NPHS2: variants seen among roughly 807,000 people sequenced by gnomAD.
NPHS2 encodes podocin.
In NPHS2, 36 loss-of-function variants were observed where a neutral mutation model predicts 37.1. That is an observed-to-expected ratio of 0.97 (90% CI 0.74 to 1.28). The LOEUF (loss-of-function observed/expected upper bound fraction) is 1.28, where lower values mean the gene tolerates loss of function less well. Among genes scored for constraint, NPHS2 ranks in the 50% most tolerant of loss-of-function variants. The probability of loss-of-function intolerance (pLI) is 0.00; values close to 1 mark genes in which losing one functional copy is unlikely to be tolerated. For missense variants in NPHS2, 447 were observed against 488.1 expected (o/e 0.92, Z 0.79); for synonymous variants, 196 against 189.3 (o/e 1.04, Z -0.29).
intron 6 of NPHS2, 41 bp downstream of exon 6, chr1:179,554,435 T>C: frequency 2.5e-6 from 4 of 1,612,018 alleles, no homozygotes; most frequent in Non-Finnish European, 2.5e-6. Flanking sequence ...CAGAATATTT[T>C]CCTTTATCAT....
rs1392082022 is a variant in NPHS2 at position 179,556,681 on chromosome 1, T to C, written c.738+346A>G. Among the ~76,000 whole-genome samples, 3 of 152,180 alleles carry C rather than the reference T, an allele frequency of 2.0e-5. No homozygotes were observed. Among genetic ancestry groups the C allele is most frequent in the South Asian group, 2.1e-4 (1 of 4,824 alleles). ...CAGTAAGCTCCTGGGAACCATGCTTTATCATCTTTGTGTACCAACCCCTCC... is the reference window on the plus strand; with the variant it reads ...CAGTAAGCTCCTGGGAACCATGCTTCATCATCTTTGTGTACCAACCCCTCC... On this transcript the variant is annotated intron_variant, in intron 5 of 7. Coordinates refer to ENST00000367615, the MANE Select transcript of NPHS2 (RefSeq NM_014625.4). The surrounding 1 kb of genome is among the most constrained non-coding windows in gnomAD (Gnocchi z 4.1).
chr1:179,553,915 T>A (rs1360597883), intron 6 of NPHS2, among the ~76,000 whole-genome samples: 1 of 149,188 alleles, frequency 6.7e-6, no homozygotes, highest in East Asian at 1.9e-4. Flanking sequence ...CTGGCTAATT[T>A]TTTTTTTTTT....
At position 179,551,490 on chromosome 1, in the gene NPHS2, A is replaced by G; in HGVS notation, c.874-39T>C. The G allele has an allele frequency of 1.9e-6, 3 of 1,611,398 alleles. No individual in the cohort carries two copies. The South Asian group carries it at 3.3e-5, about 18-fold the overall frequency. ...GACGAAAGCAAAGTGATTGTTCTTC[A>G]TTCCCTGAAGGCTTCACCACTATGC... On this transcript the variant is annotated intron_variant, in intron 7 of 7. Coordinates refer to ENST00000367615, the MANE Select transcript of NPHS2 (RefSeq NM_014625.4).
chr1:179,568,564 G>C (rs1674424849), intron 1 of NPHS2, among the ~76,000 whole-genome samples: 1 of 152,032 alleles, frequency 6.6e-6, no homozygotes, highest in Admixed American at 6.6e-5. Flanking sequence ...GTTCTGCTCT[G>C]ATCTTAGTTA....
rs975009497 is a variant in NPHS2, at chr1:179,550,579, G to A, written c.*594C>T. The A allele has an allele frequency of 6.5e-6, 1 of 152,788 alleles. No individual in the cohort carries two copies. Among genetic ancestry groups the A allele is most frequent in the African/African-American group, 2.4e-5 (1 of 41,410 alleles). 9.5% of individuals were successfully genotyped at this position (152,788 alleles called of 1,614,324 possible). On this transcript the variant is annotated 3_prime_UTR_variant, in exon 8 of 8. Coordinates refer to ENST00000367615, the MANE Select transcript of NPHS2 (RefSeq NM_014625.4). Reference sequence around the variant, plus strand: ...TTAATTAGGGATAAATTGTATATCCGACTCCAAGTACATCTCTCTTTTTTG... The same window carrying A: ...TTAATTAGGGATAAATTGTATATCCAACTCCAAGTACATCTCTCTTTTTTG...
chr1:179,551,258 C>T lies in NPHS2; in HGVS notation c.1067G>A (p.Arg356Lys). 3.1e-6 allele frequency: 5 copies of T among 1,614,036 alleles called. No homozygotes were observed. The highest frequency in any genetic ancestry group is 4.2e-6 in the Non-Finnish European group (5 of 1,179,996). ...TGGGAAGGGGAGGCTTCCCTGAGTT[C>T]TGTTGCTGGGAGAAGACAGGCAATT... ...LLNCLSSPSN[R>K]TQGSLPFPSP... Residue 356 changes from arginine to lysine, a missense_variant, in exon 8 of 8, where the codon AGA becomes AAA. Physicochemically the swap from Arg to Lys is conservative, Grantham distance 26. Coordinates refer to ENST00000367615, the MANE Select transcript of NPHS2 (RefSeq NM_014625.4).
Position 179,563,687 on chromosome 1 carries a change from G to A in NPHS2, c.378+1003C>T, listed in dbSNP as rs540750923. The stretch of plus-strand genomic sequence containing the variant: ...GGAAATTTGAGAAATTGACAAATAT[G>A]TGGAAATTAAACAACATACTCTAAC... On this transcript the variant is annotated intron_variant, in intron 2 of 7. Coordinates refer to ENST00000367615, the MANE Select transcript of NPHS2 (RefSeq NM_014625.4). Among the ~76,000 whole-genome samples the A allele has an allele frequency of 2.0e-4, 30 of 152,298 alleles. No individual in the cohort carries two copies. The South Asian group carries it at 4.1e-3, about 21-fold the overall frequency.
chr1:179,571,699 C>T lies in NPHS2; in HGVS notation c.274+3892G>A, dbSNP rs76371955. Reference sequence around the variant, plus strand: ...GAGGTGGAGTCTAGAGGCAGTAGGCCTTGTTGAGCTATGGTGGGCTCCGCC... The same window carrying T: ...GAGGTGGAGTCTAGAGGCAGTAGGCTTTGTTGAGCTATGGTGGGCTCCGCC... On this transcript the variant is annotated intron_variant, in intron 1 of 7. Coordinates refer to ENST00000367615, the MANE Select transcript of NPHS2 (RefSeq NM_014625.4). 6.6e-3 allele frequency among the ~76,000 whole-genome samples: 1,006 copies of T among 152,338 alleles called. 11 individuals carry two copies. Among genetic ancestry groups the T allele is most frequent in the African/African-American group, 0.023 (951 of 41,584 alleles).
chr1:179,573,032 A>C (rs935976961), intron 1 of NPHS2, among the ~76,000 whole-genome samples: 2 of 151,864 alleles, frequency 1.3e-5, no homozygotes, highest in African/African-American at 4.8e-5. Context: ...GGGTCTCGCT[A>C]TTTTGCCCAG....
At chr1:179,574,692 A>C (rs1474991536) in intron 1 of NPHS2, among the ~76,000 whole-genome samples, 2 of 152,226 alleles carry the variant, frequency 1.3e-5, no homozygotes, top group African/African-American at 2.4e-5. Context: ...GAAATGTTAA[A>C]ACTTCAGAGC....
At chr1:179,571,963 G>A (rs776794820) in intron 1 of NPHS2, among the ~76,000 whole-genome samples, 15 of 152,166 alleles carry the variant, frequency 9.9e-5, no homozygotes, top group Non-Finnish European at 2.1e-4. Flanking sequence ...GTTTTTCCAG[G>A]TAGTCTGTCA....
In NPHS2 at chr1:179,566,467, C is replaced by T. The variant is rs182784681; in HGVS notation, c.275-1674G>A. On this transcript the variant is annotated intron_variant, in intron 1 of 7. Transcript: ENST00000367615. Reference sequence around the variant, plus strand: ...TCTTTGTAGATTCTGGATATTAGCCCTTTGTCAGATGGGTAGATTGCAAAA... The same window carrying T: ...TCTTTGTAGATTCTGGATATTAGCCTTTTGTCAGATGGGTAGATTGCAAAA... Among the ~76,000 whole-genome samples the T allele has an allele frequency of 5.3e-5, 8 of 152,226 alleles. No individual in the cohort carries two copies. In the East Asian group the frequency reaches 1.4e-3, roughly 26 times the overall value.
chr1:179,557,184 T>C lies in NPHS2; in HGVS notation c.581A>G (p.Tyr194Cys). Residue 194 changes from tyrosine (Y) to cysteine (C), a missense_variant, in exon 5 of 8, where the codon TAC (tyrosine) becomes TGC (cysteine). Coordinates refer to ENST00000367615, the MANE Select transcript of NPHS2 (RefSeq NM_014625.4). ...AAGAGAGGCATTTTCCATTCGGTAG[T>C]AGCAAATGGCATCTATCTCCATTAT... ...MFIMEIDAICYYRMENASLLL... is the reference protein window; with the variant it reads ...MFIMEIDAICCYRMENASLLL... 2.5e-6 allele frequency: 4 copies of C among 1,614,070 alleles called. No individual in the cohort carries two copies. The highest frequency in any genetic ancestry group is 3.4e-6 in the Non-Finnish European group (4 of 1,179,972).
intron 1 of NPHS2, among the ~76,000 whole-genome samples, chr1:179,569,105 T>G (rs565996435): frequency 6.6e-5 from 10 of 152,192 alleles, no homozygotes; most frequent in Non-Finnish European, 1.3e-4. Context: ...CTGGATATCC[T>G]TGTTAACTTT....
At chr1:179,569,742 G>A (rs1314282150) in intron 1 of NPHS2, among the ~76,000 whole-genome samples, 1 of 152,128 alleles carries the variant, frequency 6.6e-6, no homozygotes, top group African/African-American at 2.4e-5. Flanking sequence ...GCCTGGTGGT[G>A]ATAAAATCTC....
chr1:179,551,695 GT>G (rs1256656032), intron 7 of NPHS2: 1 of 515,086 alleles, frequency 1.9e-6, no homozygotes, highest in East Asian at 3.3e-5. Flanking sequence ...TATTAGGGGA[GT>G]TATTAGCATC....
intron 2 of NPHS2, 65 bp downstream of exon 2, chr1:179,564,625 A>T: frequency 7.7e-7 from 1 of 1,303,650 alleles, no homozygotes; most frequent in South Asian, 1.2e-5. Context: ...AGAAGTGAGA[A>T]TGGGCATGGT....
At chr1:179,572,040 T>C (rs6662341) in intron 1 of NPHS2, among the ~76,000 whole-genome samples, 71,955 of 152,146 alleles carry the variant, frequency 0.47, 17,629 homozygotes, top group African/African-American at 0.58. Context: ...GGCAACGCCC[T>C]GCCCTGCTTC....
At chr1:179,567,350 T>A (rs1674376189) in intron 1 of NPHS2, among the ~76,000 whole-genome samples, 1 of 152,232 alleles carries the variant, frequency 6.6e-6, no homozygotes, top group Non-Finnish European at 1.5e-5. Flanking sequence ...AGTTCACTCA[T>A]GATTTGGCTC....
Sources: gnomAD v4.1 joint callset for allele counts (sites outside exome capture counted in the v4.1 genomes callset) on GRCh38, gnomAD v4.1.1 for gene constraint, Gnocchi (gnomAD v3.1) non-coding constraint, MANE v1.5 for transcripts, NCBI Gene and HGNC (gene_info 2026-07-23, HGNC 2026-07-21) for gene names.